Variants in DSCAM observed in about 807,000 individuals in gnomAD.
The protein encoded by DSCAM is DS cell adhesion molecule.
Under a neutral mutation model 217.7 loss-of-function variants are expected in DSCAM, and 47 were observed. The ratio of observed to expected loss-of-function variants is 0.22; its 90% confidence interval spans 0.17 to 0.28. The LOEUF (loss-of-function observed/expected upper bound fraction) is 0.28, where lower values mean the gene tolerates loss of function less well. Among genes scored for constraint, DSCAM ranks in the 10% least tolerant of loss-of-function variants. The pLI is 1.00. For missense variants in DSCAM, 2,080 were observed against 2,618.3 expected, an observed-to-expected ratio of 0.79 and a Z score of 4.49; for synonymous variants, 1,056 against 1,015.3, an observed-to-expected ratio of 1.04 and a Z score of -0.76.
At position 40,648,148 on chromosome 21, in the gene DSCAM, T is replaced by C. The variant is rs553597266; in HGVS notation, c.508+44662A>G. ...AACTGAAAAGATTCAATAACTGCTG[T>C]GCTGCATGTATATCTGGGGTGATAC... On this transcript the variant is annotated intron_variant, in intron 3 of 32. Coordinates refer to ENST00000400454, the MANE Select transcript of DSCAM (RefSeq NM_001389.5). Among the ~76,000 whole-genome samples, 6 of 152,242 alleles carry C rather than the reference T, an allele frequency of 3.9e-5. No homozygotes were observed. In the South Asian group the frequency reaches 1.0e-3, roughly 26 times the overall value.
At chr21:40,413,816 T>C (rs1358801414) in intron 3 of DSCAM, among the ~76,000 whole-genome samples, 2 of 152,214 alleles carry the variant, frequency 1.3e-5, no homozygotes, top group Admixed American at 6.5e-5. Flanking sequence ...ATAGAGTTAA[T>C]TGGTTTTCAA....
chr21:40,240,571 G>A (rs1009568568), intron 11 of DSCAM, among the ~76,000 whole-genome samples: 3 of 151,938 alleles, frequency 2.0e-5, no homozygotes, highest in South Asian at 2.1e-4. Flanking sequence ...CAGCCTTCAC[G>A]TTTTTGTTCA....
intron 1 of DSCAM, among the ~76,000 whole-genome samples, chr21:40,838,016 C>G (rs1340046973): frequency 1.3e-5 from 2 of 152,138 alleles, no homozygotes; most frequent in East Asian, 3.8e-4. Flanking sequence ...GCGGGGCTAA[C>G]TGTGAAAAGA....
intron 3 of DSCAM, among the ~76,000 whole-genome samples, chr21:40,587,970 A>G (rs949626032): frequency 9.2e-5 from 14 of 152,222 alleles, no homozygotes; most frequent in Non-Finnish European, 1.3e-4. Context: ...CCACAGTGCT[A>G]TGACTTCATG....
chr21:40,296,311 T>A, intron 9 of DSCAM, 137 bp from the exon 10 acceptor site: 1 of 1,086,412 alleles, frequency 9.2e-7, no homozygotes, highest in African/African-American at 1.6e-5. Context: ...ATAAAAACAC[T>A]ATTGGCAGTT....
At chr21:40,585,022 C>A (rs977103840) in intron 3 of DSCAM, among the ~76,000 whole-genome samples, 1 of 151,978 alleles carries the variant, frequency 6.6e-6, no homozygotes, top group Non-Finnish European at 1.5e-5. Flanking sequence ...CTGGCACCAC[C>A]CTCCTCTCGC....
intron 11 of DSCAM, among the ~76,000 whole-genome samples, chr21:40,202,432 A>T (rs1207498068): frequency 1.3e-5 from 2 of 152,224 alleles, no homozygotes; most frequent in Non-Finnish European, 2.9e-5. Context: ...CACCCACTGC[A>T]CAGCACACTG....
chr21:40,210,401 A>T (rs1258540659), intron 11 of DSCAM, among the ~76,000 whole-genome samples: 2 of 152,216 alleles, frequency 1.3e-5, no homozygotes, highest in Non-Finnish European at 2.9e-5. Context: ...AGGAAGTTGC[A>T]AAAATAGTAG....
rs1382752527 is a variant in DSCAM, at chr21:40,376,568, T to TAG, written c.509-7324_509-7323insCT. Among the ~76,000 whole-genome samples, 13 of 48,304 alleles carry TAG rather than the reference T, an allele frequency of 2.7e-4. 1 individual carries two copies. The highest frequency in any genetic ancestry group is 1.0e-3 in the African/African-American group (10 of 9,624). 31.7% of individuals were successfully genotyped at this position (48,304 alleles called of 152,430 possible). A position where few individuals can be genotyped will look rare whatever the true frequency, so the allele number is the denominator to read the frequency against. ...ATCTTATATCGATATCTATATATCT[T>TAG]ATATCGATATCTATATATCTTATAT... is the stretch of plus-strand genomic sequence containing the variant. On this transcript the variant is annotated intron_variant, in intron 3 of 32. Transcript: ENST00000400454.
chr21:40,042,591 C>T lies in DSCAM; in HGVS notation c.5466G>A (p.Lys1822=), dbSNP rs1020734882. The stretch of plus-strand genomic sequence containing the variant: ...TGGCGTGCCTCAGTTGCTCTTCCAT[C>T]TTGGCGTGTTCGTAGGCCCTGGCCA... ...EELARAYEHA[K]MEEQLRHAKF... Residue 1822 remains lysine, a synonymous_variant, in exon 32 of 33, where the codon AAG becomes AAA. Coordinates refer to ENST00000400454, the MANE Select transcript of DSCAM (RefSeq NM_001389.5). The T allele has an allele frequency of 3.7e-6, 6 of 1,614,186 alleles. No homozygotes were observed. Among genetic ancestry groups the T allele is most frequent in the Non-Finnish European group, 4.2e-6 (5 of 1,180,040 alleles).
intron 1 of DSCAM, among the ~76,000 whole-genome samples, chr21:40,758,986 G>A (rs747578572): frequency 1.3e-5 from 2 of 152,188 alleles, no homozygotes; most frequent in Admixed American, 6.5e-5. Flanking sequence ...AATAAAGAAC[G>A]CAAGTATGCT....
intron 1 of DSCAM, among the ~76,000 whole-genome samples, chr21:40,766,684 A>C (rs1242494065): frequency 8.1e-6 from 1 of 122,842 alleles, no homozygotes; most frequent in Non-Finnish European, 1.6e-5. Context: ...AAAAAAAAAA[A>C]AAAACAACTT....
rs2077035021 is a variant in DSCAM, at chr21:40,598,060, A to T, written c.508+94750T>A. 2.0e-5 allele frequency among the ~76,000 whole-genome samples: 3 copies of T among 152,228 alleles called. No homozygotes were observed. In the South Asian group the frequency reaches 6.2e-4, roughly 31 times the overall value. On this transcript the variant is annotated intron_variant, in intron 3 of 32. Transcript: ENST00000400454. Reference sequence around the variant, plus strand: ...TCACCATGCTAGTGCCATGCAGAATAGTTTTACTGCCTCACAAATCCCTGG... The same window carrying T: ...TCACCATGCTAGTGCCATGCAGAATTGTTTTACTGCCTCACAAATCCCTGG...
intron 3 of DSCAM, among the ~76,000 whole-genome samples, chr21:40,395,032 G>C (rs143823995): frequency 6.6e-6 from 1 of 152,236 alleles, no homozygotes; most frequent in East Asian, 1.9e-4. Flanking sequence ...AAACAATGTC[G>C]TTTGATACAA....
At chr21:40,698,522 C>T (rs959867736) in intron 2 of DSCAM, among the ~76,000 whole-genome samples, 5 of 152,140 alleles carry the variant, frequency 3.3e-5, no homozygotes, top group Admixed American at 3.3e-4. Flanking sequence ...AATAAATTAC[C>T]TGCTCTACCT....
chr21:40,047,402 A>C (rs936877436), intron 30 of DSCAM, among the ~76,000 whole-genome samples: 1 of 152,178 alleles, frequency 6.6e-6, no homozygotes, highest in African/African-American at 2.4e-5. Flanking sequence ...CCAGCATTCT[A>C]ATATAAATAA....
chr21:40,511,147 T>C (rs1014379863), intron 3 of DSCAM, among the ~76,000 whole-genome samples: 3 of 152,218 alleles, frequency 2.0e-5, no homozygotes, highest in African/African-American at 7.2e-5. Flanking sequence ...ATTCTCTTCA[T>C]GGTATGTTGC....
At chr21:40,659,340 G>A (rs1027039616) in intron 3 of DSCAM, among the ~76,000 whole-genome samples, 1 of 150,280 alleles carries the variant, frequency 6.7e-6, no homozygotes, top group Admixed American at 6.7e-5. Flanking sequence ...ACACCTGTTT[G>A]GTGATCAGAT....
At chr21:40,612,080 G>A (rs1280549149) in intron 3 of DSCAM, among the ~76,000 whole-genome samples, 9 of 152,170 alleles carry the variant, frequency 5.9e-5, no homozygotes, top group Non-Finnish European at 1.3e-4. Flanking sequence ...CAGGCTGTTT[G>A]GGGTGAGTGC....
Sources: gnomAD v4.1 joint callset for allele counts (sites outside exome capture counted in the v4.1 genomes callset) on GRCh38, gnomAD v4.1.1 for gene constraint, MANE v1.5 for transcripts, NCBI Gene and HGNC (gene_info 2026-07-23, HGNC 2026-07-21) for gene names.